TAOK3: variants seen among roughly 807,000 people sequenced by gnomAD.
The protein encoded by TAOK3 is TAO kinase 3, also known as serine/threonine-protein kinase TAO3.
A neutral mutation model predicts 120.4 loss-of-function variants in TAOK3; 40 were observed. The observed-to-expected ratio is 0.33, with a 90% confidence interval of 0.26 to 0.43. The LOEUF (loss-of-function observed/expected upper bound fraction) is 0.43, where lower values mean the gene tolerates loss of function less well. TAOK3 is among the 20% of genes least tolerant of loss of function. The pLI, the probability that TAOK3 is intolerant of heterozygous loss-of-function variation, is 1.00. For synonymous variants in TAOK3, 355 were observed against 387.5 expected, an observed-to-expected ratio of 0.92 and a Z score of 0.99; for missense variants, 821 against 1,112.1, an observed-to-expected ratio of 0.74 and a Z score of 3.72.
At chr12:118,206,015 C>T (rs959042590) in intron 11 of TAOK3, among the ~76,000 whole-genome samples, 13 of 151,692 alleles carry the variant, frequency 8.6e-5, no homozygotes, top group African/African-American at 2.4e-4. Context: ...CACTAAGTGA[C>T]TAAGTTCTGG....
intron 14 of TAOK3, among the ~76,000 whole-genome samples, chr12:118,182,662 T>C (rs1370664782): frequency 7.1e-6 from 1 of 141,808 alleles, no homozygotes; most frequent in African/African-American, 2.6e-5. Flanking sequence ...CTAACAGTCA[T>C]AGACCTTTTA....
At position 118,168,402 on chromosome 12, in the gene TAOK3, T is replaced by C. The variant is rs766124801; in HGVS notation, c.1899+4055A>G. Among the ~76,000 whole-genome samples, 18 of 152,368 alleles carry C rather than the reference T, an allele frequency of 1.2e-4. 1 individual carries two copies. The South Asian group carries it at 1.7e-3, about 14-fold the overall frequency. On this transcript the variant is annotated intron_variant, in intron 17 of 20. Coordinates refer to ENST00000392533, the MANE Select transcript of TAOK3 (RefSeq NM_016281.4). ...TATGCGGAGGTAATGGATATGTTAG[T>C]TAGCTTTCATGTGGTGATTATTTCA...
chr12:118,191,496 A>AAATTGAGTTCCTGAGTCATAATGGCT lies in TAOK3; in HGVS notation c.1195-1581_1195-1556dup, dbSNP rs567714957. Among the ~76,000 whole-genome samples, 91 of 152,354 alleles carry AAATTGAGTTCCTGAGTCATAATGGCT rather than the reference A, an allele frequency of 6.0e-4. No individual in the cohort carries two copies. In the Middle Eastern group the frequency reaches 0.051, roughly 85 times the overall value. On this transcript the variant is annotated intron_variant, in intron 13 of 20. Transcript: ENST00000392533. The stretch of plus-strand genomic sequence containing the variant: ...ATTAATTAAAACAAAATTAAGTGCA[A>AAATTGAGTTCCTGAGTCATAATGGCT]AATTGAGTTCCTGAGTCATAATGGC...
At chr12:118,356,615 TA>T (rs200057376) in intron 1 of TAOK3, among the ~76,000 whole-genome samples, 2 of 150,178 alleles carry the variant, frequency 1.3e-5, no homozygotes. Flanking sequence ...TTGGTCACAT[TA>T]AAAAAAAATG....
chr12:118,162,637 T>C (rs961558194), intron 17 of TAOK3, among the ~76,000 whole-genome samples: 30 of 152,222 alleles, frequency 2.0e-4, no homozygotes, highest in African/African-American at 7.0e-4. Context: ...GTCTATTTTT[T>C]AAAATCTCAG....
intron 1 of TAOK3, among the ~76,000 whole-genome samples, chr12:118,347,991 A>G (rs1029859288): frequency 2.0e-5 from 3 of 152,216 alleles, no homozygotes; most frequent in African/African-American, 7.2e-5. Flanking sequence ...TCTACTGTTC[A>G]AAGTTCAAAC....
At chr12:118,306,475 G>C (rs2043057029) in intron 1 of TAOK3, among the ~76,000 whole-genome samples, 1 of 152,076 alleles carries the variant, frequency 6.6e-6, no homozygotes. Flanking sequence ...TCCTCACCCA[G>C]CTTATAATTT....
intron 19 of TAOK3, among the ~76,000 whole-genome samples, chr12:118,156,804 G>A (rs1302714608): frequency 1.3e-5 from 2 of 151,518 alleles, no homozygotes; most frequent in Non-Finnish European, 2.9e-5. Context: ...GCGTGATCTC[G>A]GCTCACTGCA....
intron 1 of TAOK3, among the ~76,000 whole-genome samples, chr12:118,303,606 G>A (rs563098922): frequency 5.8e-4 from 88 of 152,192 alleles, no homozygotes; most frequent in African/African-American, 2.1e-3. Flanking sequence ...TTTCTTGAAG[G>A]GGAGCACTGC....
At chr12:118,274,769 C>A (rs1228660489) in intron 1 of TAOK3, among the ~76,000 whole-genome samples, 1 of 151,724 alleles carries the variant, frequency 6.6e-6, no homozygotes, top group African/African-American at 2.4e-5. Context: ...GCTGGGACTA[C>A]AGGCACGTGC....
chr12:118,208,841 A>G (rs1042991010), intron 11 of TAOK3, among the ~76,000 whole-genome samples: 1 of 152,082 alleles, frequency 6.6e-6, no homozygotes, highest in Non-Finnish European at 1.5e-5. Context: ...CTTCCCGAGT[A>G]GCTGGGATTA....
At chr12:118,307,229 C>A (rs544758705) in intron 1 of TAOK3, among the ~76,000 whole-genome samples, 16 of 152,122 alleles carry the variant, frequency 1.1e-4, no homozygotes, top group South Asian at 1.0e-3. Context: ...TCTTCCCCCC[C>A]CCATCTCTGG....
chr12:118,162,128 C>T, intron 17 of TAOK3, 101 bp from the exon 18 acceptor site: 1 of 1,426,454 alleles, frequency 7.0e-7, no homozygotes, highest in South Asian at 1.3e-5. Flanking sequence ...CACTGCTAAC[C>T]ATCTCTTAAT....
At chr12:118,169,315 C>CT (rs2035840684) in intron 17 of TAOK3, among the ~76,000 whole-genome samples, 2 of 63,620 alleles carry the variant, frequency 3.1e-5, no homozygotes, top group African/African-American at 6.3e-5. Context: ...CGCCCACCCC[C>CT]ACCCCCCCCC....
chr12:118,152,180 G>A (rs757541820), intron 20 of TAOK3, 47 bp downstream of exon 20: 14 of 1,571,054 alleles, frequency 8.9e-6, no homozygotes, highest in Admixed American at 1.7e-5. Context: ...CCTCAGCCAC[G>A]CCCCCTTCCA....
rs534579359 is a variant in TAOK3 at position 118,369,301 on chromosome 12, A to G, written c.-194+3347T>C. Among the ~76,000 whole-genome samples the G allele has an allele frequency of 2.6e-5, 4 of 152,362 alleles. No homozygotes were observed. The East Asian group carries it at 5.8e-4, about 22-fold the overall frequency. On this transcript the variant is annotated intron_variant, in intron 1 of 20. Coordinates refer to ENST00000392533, the MANE Select transcript of TAOK3 (RefSeq NM_016281.4). ...TGAAACAAATGAAAAAATTTTTCAC[A>G]GAATCCCTACCTACTCTCCTAACCC...
chr12:118,225,393 TAAA>T (rs34791558), intron 9 of TAOK3, among the ~76,000 whole-genome samples: 7 of 141,996 alleles, frequency 4.9e-5, no homozygotes, highest in Non-Finnish European at 6.2e-5. Context: ...GTCTTGCATG[TAAA>T]AAAAAAAAAA....
chr12:118,260,254 A>G (rs530944605), intron 2 of TAOK3, among the ~76,000 whole-genome samples: 1 of 152,232 alleles, frequency 6.6e-6, no homozygotes, highest in Admixed American at 6.5e-5. Context: ...TCTGCCTCCC[A>G]AAGTGCTGGG....
chr12:118,257,372 C>A (rs772248722), intron 2 of TAOK3, among the ~76,000 whole-genome samples: 1 of 152,122 alleles, frequency 6.6e-6, no homozygotes, highest in Non-Finnish European at 1.5e-5. Flanking sequence ...AAAAGGACAT[C>A]ATTTTGACAT....
Sources: allele counts gnomAD v4.1 joint callset (sites outside exome capture counted in the v4.1 genomes callset), GRCh38; gene constraint gnomAD v4.1.1; transcripts MANE v1.5; gene names NCBI Gene and HGNC (gene_info 2026-07-23, HGNC 2026-07-21).